The following FMNL3 variants were observed in gnomAD, a reference collection of about 807,000 sequenced individuals.
FMNL3 encodes formin-like protein 3.
FMNL3 carries 57 observed loss-of-function variants against 119.6 expected under a neutral mutation model. The ratio of observed to expected loss-of-function variants is 0.48; its 90% confidence interval spans 0.39 to 0.59. FMNL3 has a LOEUF of 0.59. Among genes scored for constraint, FMNL3 ranks in the 20% least tolerant of loss-of-function variants. The pLI is 0.00. For missense variants in FMNL3, 1,053 were observed against 1,323.5 expected, an observed-to-expected ratio of 0.80 and a Z score of 3.17; for synonymous variants, 491 against 507.3, an observed-to-expected ratio of 0.97 and a Z score of 0.43.
At chr12:49,695,372 T>C (rs1944724199) in intron 1 of FMNL3, among the ~76,000 whole-genome samples, 1 of 152,140 alleles carries the variant, frequency 6.6e-6, no homozygotes, top group African/African-American at 2.4e-5. Context: ...TTAGAAGTTG[T>C]TTTTCCAACA....
At position 49,651,410 on chromosome 12, in the gene FMNL3, G is replaced by A. The variant is rs199996938; in HGVS notation, c.1644C>T (p.Pro548=). 149 of 1,547,214 alleles carry A rather than the reference G, an allele frequency of 9.6e-5. No individual in the cohort carries two copies. Among genetic ancestry groups the A allele is most frequent in the Non-Finnish European group, 1.2e-4 (142 of 1,140,652 alleles). The change falls in exon 15 of 26, where the codon CCC becomes CCT. Residue 548 remains proline, a synonymous_variant. Transcript: ENST00000335154. Reference sequence around the variant, plus strand: ...ACAGGCCCACTGTCAACACCACAGAGGGTGCAGCACCAGGGAGAGGTGGGG... The same window carrying A: ...ACAGGCCCACTGTCAACACCACAGAAGGTGCAGCACCAGGGAGAGGTGGGG... The part of the protein sequence containing the change: ...PPAPPLPGAA[P]SVVLTVGLSA...
At chr12:49,663,943 T>A (rs558184678) in intron 4 of FMNL3, among the ~76,000 whole-genome samples, 1 of 149,346 alleles carries the variant, frequency 6.7e-6, no homozygotes, top group African/African-American at 2.5e-5. Flanking sequence ...CTCTACTAAA[T>A]TTTTTTTTTT....
intron 25 of FMNL3, chr12:49,646,661 G>A (rs985684628): frequency 6.5e-7 from 1 of 1,533,904 alleles, no homozygotes; most frequent in South Asian, 1.2e-5. Flanking sequence ...AACCTTGGGG[G>A]CTAACAGTTT....
In FMNL3 at chr12:49,643,598, C is replaced by T. The variant is rs1018070489; in HGVS notation, c.*2217G>A. On this transcript the variant is annotated 3_prime_UTR_variant, in exon 26 of 26. Coordinates refer to ENST00000335154, the MANE Select transcript of FMNL3 (RefSeq NM_175736.5). ...TTAGACTTCCTCAGAGCATGAGGTTCCTGCCTGTGAAGAATGAACAGAGGG... is the reference window on the plus strand; with the variant it reads ...TTAGACTTCCTCAGAGCATGAGGTTTCTGCCTGTGAAGAATGAACAGAGGG... 9.1e-6 allele frequency: 13 copies of T among 1,435,062 alleles called. No homozygotes were observed. In the African/African-American group the frequency reaches 1.9e-4, roughly 21 times the overall value. The allele number at this position is 1,435,062 out of a possible 1,614,324, so 88.9% of individuals were successfully genotyped here.
rs1186133459 is a variant in FMNL3 at position 49,636,751 on chromosome 12, G to A, written c.*9064C>T. 6.2e-7 allele frequency: 1 copy of A among 1,614,098 alleles called. No homozygotes were observed. Among genetic ancestry groups the A allele is most frequent in the Non-Finnish European group, 8.5e-7 (1 of 1,180,040 alleles). On this transcript the variant is annotated 3_prime_UTR_variant, in exon 26 of 26. Transcript: ENST00000335154. ...GGAAGATGCACTGATCTGTTTTGAG[G>A]AGCACATCCGAGCTTTGGAGAGGGA... is the stretch of plus-strand genomic sequence containing the variant.
At chr12:49,661,508 G>A (rs1364437613) in intron 5 of FMNL3, among the ~76,000 whole-genome samples, 1 of 152,156 alleles carries the variant, frequency 6.6e-6, no homozygotes, top group Non-Finnish European at 1.5e-5. Flanking sequence ...TTCTATCCAG[G>A]TCAAAAGGAA....
At chr12:49,646,463 T>C (rs1037492459) in intron 25 of FMNL3, among the ~76,000 whole-genome samples, 2 of 152,188 alleles carry the variant, frequency 1.3e-5, no homozygotes, top group African/African-American at 4.8e-5. Context: ...TAAGGACACA[T>C]GCAGGGGATA....
intron 1 of FMNL3, among the ~76,000 whole-genome samples, chr12:49,689,980 C>T (rs1424182224): frequency 5.9e-5 from 9 of 152,166 alleles, no homozygotes; most frequent in Admixed American, 5.9e-4. Flanking sequence ...CACTCCTATA[C>T]CACACTGATC....
chr12:49,675,097 C>T (rs1200889602), intron 1 of FMNL3, among the ~76,000 whole-genome samples: 1 of 152,230 alleles, frequency 6.6e-6, no homozygotes, highest in Non-Finnish European at 1.5e-5. Context: ...TTTCCTCTGC[C>T]ACACTGTTGG....
intron 1 of FMNL3, among the ~76,000 whole-genome samples, chr12:49,706,248 A>G (rs1945044577): frequency 6.6e-6 from 1 of 152,206 alleles, no homozygotes; most frequent in Non-Finnish European, 1.5e-5. Context: ...AGAATCCCAA[A>G]GTCAGCTCTA....
chr12:49,705,114 G>A (rs904438529), intron 1 of FMNL3, among the ~76,000 whole-genome samples: 1 of 152,142 alleles, frequency 6.6e-6, no homozygotes, highest in Non-Finnish European at 1.5e-5. Flanking sequence ...GGAAAACTGA[G>A]GTGAAATCCC....
intron 1 of FMNL3, among the ~76,000 whole-genome samples, chr12:49,679,614 C>A (rs968443364): frequency 2.0e-5 from 3 of 149,084 alleles, no homozygotes; most frequent in Non-Finnish European, 3.0e-5. Context: ...GCAGCCTCGA[C>A]CTCTTGGGCT....
chr12:49,668,901 CA>C (rs1460298260), intron 1 of FMNL3, among the ~76,000 whole-genome samples: 38 of 152,258 alleles, frequency 2.5e-4, no homozygotes, highest in Admixed American at 1.6e-3. Flanking sequence ...TGTATATAAA[CA>C]AATATGTCAT....
rs74719879 is a variant in FMNL3, at chr12:49,662,110, G to T, written c.369-61C>A. ...TAAAAGTGGGTCAAGGATGAGGGGG[G>T]TGACATGCCTCTGACCCAACACCTC... On this transcript the variant is annotated intron_variant, in intron 4 of 25. Transcript: ENST00000335154. 11 of 1,498,276 alleles carry T rather than the reference G, an allele frequency of 7.3e-6. No homozygotes were observed. The African/African-American group carries it at 1.2e-4, about 17-fold the overall frequency. The allele number at this position is 1,498,276 out of a possible 1,614,324, so 92.8% of individuals were successfully genotyped here.
intron 21 of FMNL3, 81 bp downstream of exon 21, chr12:49,648,948 A>G (rs896657287): frequency 5.3e-6 from 8 of 1,510,708 alleles, no homozygotes; most frequent in Non-Finnish European, 6.2e-6. Flanking sequence ...AATGGACCCA[A>G]GTGTTCTCTC....
At chr12:49,665,239 A>G (rs566803921) in intron 4 of FMNL3, among the ~76,000 whole-genome samples, 1 of 152,144 alleles carries the variant, frequency 6.6e-6, no homozygotes, top group Non-Finnish European at 1.5e-5. Flanking sequence ...AAAAAAAAAA[A>G]AAAGACTCAC....
At chr12:49,646,762 CA>C in intron 25 of FMNL3, 123 bp downstream of exon 25, 1 of 1,599,916 alleles carries the variant, frequency 6.3e-7, no homozygotes, top group African/African-American at 1.3e-5. Context: ...CACTGTGGCC[CA>C]GGAGAGAGAC....
In FMNL3 at chr12:49,643,870, G is replaced by C. The variant is rs1943002542; in HGVS notation, c.*1945C>G. 2 of 1,614,216 alleles carry C rather than the reference G, an allele frequency of 1.2e-6. No homozygotes were observed. Among genetic ancestry groups the C allele is most frequent in the Admixed American group, 3.3e-5 (2 of 60,034 alleles). ...CTCTGGACTCTTACAGAATAGTCCT[G>C]AGAGTGAGACAGACCCTGAGGAGAA... On this transcript the variant is annotated 3_prime_UTR_variant, in exon 26 of 26. Coordinates refer to ENST00000335154, the MANE Select transcript of FMNL3 (RefSeq NM_175736.5).
rs1218957349 is a variant in FMNL3 at position 49,707,356 on chromosome 12, G to GGCGGAGGCAGCGTA, written c.-190_-177dup. ...CCCGCTGGCGGGGGCGCGCGGCGAG[G>GGCGGAGGCAGCGTA]GCGGAGGCAGCGTAGCGGACAGCCG... On this transcript the variant is annotated 5_prime_UTR_variant, in exon 1 of 26. Transcript: ENST00000335154. 6 of 497,772 alleles carry GGCGGAGGCAGCGTA rather than the reference G, an allele frequency of 1.2e-5. No individual in the cohort carries two copies. Among genetic ancestry groups the GGCGGAGGCAGCGTA allele is most frequent in the Admixed American group, 4.4e-5 (1 of 22,946 alleles). The allele number at this position is 497,772 out of a possible 1,614,324, so 30.8% of individuals were successfully genotyped here.
Sources: allele counts gnomAD v4.1 joint callset (sites outside exome capture counted in the v4.1 genomes callset), GRCh38; gene constraint gnomAD v4.1.1; transcripts MANE v1.5; gene names NCBI Gene and HGNC (gene_info 2026-07-23, HGNC 2026-07-21).